SDR16C5: variants seen among roughly 807,000 people sequenced by gnomAD.
SDR16C5 encodes the protein short chain dehydrogenase/reductase family 16C member 5.
In SDR16C5, 20 loss-of-function variants were observed where a neutral mutation model predicts 27.7. That is an observed-to-expected ratio of 0.72 (90% confidence interval 0.51 to 1.05). The LOEUF (loss-of-function observed/expected upper bound fraction) is 1.05. Ranked by LOEUF, SDR16C5 falls within the 50% of genes least tolerant of loss-of-function variation. SDR16C5 has a pLI of 0.00. For missense variants in SDR16C5, 374 were observed against 366.3 expected (o/e 1.02, Z -0.17); for synonymous variants, 139 against 132.3 (o/e 1.05, Z -0.35).
intron 1 of SDR16C5, among the ~76,000 whole-genome samples, chr8:56,316,585 C>T (rs1186115172): frequency 6.6e-6 from 1 of 152,208 alleles, no homozygotes; most frequent in African/African-American, 2.4e-5. Flanking sequence ...ATGTTATTTG[C>T]ATGCCTGCTA....
rs1815080221 is a variant in SDR16C5, at chr8:56,312,729, C to T, written c.334-441G>A. ...AAAAAAATAAATAAAGAAATAAATA[C>T]AGGTTGGTTTATTTCCATTGCTGAG... On this transcript the variant is annotated intron_variant, in intron 2 of 6. Coordinates refer to ENST00000303749, the MANE Select transcript of SDR16C5 (RefSeq NM_138969.4). 2.0e-5 allele frequency among the ~76,000 whole-genome samples: 3 copies of T among 150,404 alleles called. No homozygotes were observed. In the South Asian group the frequency reaches 6.3e-4, roughly 32 times the overall value.
At chr8:56,306,414 A>T (rs1814882836) in intron 5 of SDR16C5, among the ~76,000 whole-genome samples, 1 of 152,156 alleles carries the variant, frequency 6.6e-6, no homozygotes, top group Non-Finnish European at 1.5e-5. Context: ...CAGGAAGGGG[A>T]TGTGGCCCTG....
chr8:56,303,809 C>T (rs1202715322), intron 6 of SDR16C5: 2 of 597,858 alleles, frequency 3.3e-6, no homozygotes, highest in Non-Finnish European at 6.0e-6. Flanking sequence ...ATACTATAAT[C>T]TGCCATCTAT....
At chr8:56,304,519 GT>G (rs1814833611) in intron 6 of SDR16C5, among the ~76,000 whole-genome samples, 2 of 151,932 alleles carry the variant, frequency 1.3e-5, no homozygotes, top group Admixed American at 6.6e-5. Context: ...GCAGGGAAGG[GT>G]GCACAAGAAT....
chr8:56,312,396 T>C, intron 2 of SDR16C5, 108 bp from the exon 3 acceptor site: 1 of 993,052 alleles, frequency 1.0e-6, no homozygotes, highest in Non-Finnish European at 1.5e-6. Context: ...TCATACTGAG[T>C]TTATGCACTC....
At chr8:56,312,887 C>T (rs533413048) in intron 2 of SDR16C5, among the ~76,000 whole-genome samples, 1 of 151,892 alleles carries the variant, frequency 6.6e-6, no homozygotes, top group Admixed American at 6.5e-5. Flanking sequence ...CACCATTCTC[C>T]CGCCTCAGCC....
chr8:56,318,932 C>T (rs1489421177), intron 1 of SDR16C5, among the ~76,000 whole-genome samples: 3 of 152,072 alleles, frequency 2.0e-5, no homozygotes, highest in Admixed American at 6.5e-5. Context: ...CACTGATTTT[C>T]CCTGCAACTT....
Position 56,301,553 on chromosome 8 carries a change from C to G in SDR16C5, c.857G>C (p.Gly286Ala). The G allele has an allele frequency of 6.2e-7, 1 of 1,614,034 alleles. No homozygotes were observed. The highest frequency in any genetic ancestry group is 8.5e-7 in the Non-Finnish European group (1 of 1,179,932). The change falls in exon 7 of 7, where the codon GGA becomes GCA. Residue 286 changes from glycine (G) to alanine (A), a missense_variant. By Grantham distance (60) the Gly-to-Ala change is moderately conservative (BLOSUM62 0). Coordinates refer to ENST00000303749, the MANE Select transcript of SDR16C5 (RefSeq NM_138969.4). ...GCCCAAATAGTCAGCTATAAGCAGT[C>G]CTGTCTTGAGGGGCAAAAAGCTAAA... ...FLKSFLPLKT[G>A]LLIADYLGIL...
chr8:56,307,321 C>A (rs1814911776), intron 4 of SDR16C5, among the ~76,000 whole-genome samples: 1 of 151,898 alleles, frequency 6.6e-6, no homozygotes, highest in Non-Finnish European at 1.5e-5. Flanking sequence ...GGCTTGGTAG[C>A]TTCAACCTCC....
At chr8:56,307,700 T>A (rs938285895) in intron 4 of SDR16C5, among the ~76,000 whole-genome samples, 1 of 152,180 alleles carries the variant, frequency 6.6e-6, no homozygotes, top group African/African-American at 2.4e-5. Context: ...TCTAGGGTCA[T>A]TGGAGTCATC....
intron 2 of SDR16C5, among the ~76,000 whole-genome samples, chr8:56,312,803 G>A (rs1362733415): frequency 2.7e-4 from 38 of 141,110 alleles, no homozygotes; most frequent in Admixed American, 1.9e-3. Flanking sequence ...TTGAGATGGA[G>A]TCTTGCTCTG....
chr8:56,316,237 G>A lies in SDR16C5; in HGVS notation c.111C>T (p.Asn37=), dbSNP rs200778304. ...IFALLPKPRK[N]VAGEIVLITG... ...TGATGAGGACTATTTCACCAGCAAC[G>A]TTCTTCCGTGGCTTTGGGAGTAAGG... The change falls in exon 2 of 7, where the codon AAC becomes AAT. Residue 37 remains asparagine (N), a synonymous_variant. Transcript: ENST00000303749. 7 of 1,613,966 alleles carry A rather than the reference G, an allele frequency of 4.3e-6. No homozygotes were observed. The Admixed American group carries it at 5.0e-5, about 12-fold the overall frequency.
chr8:56,319,157 A>G (rs1235300160), intron 1 of SDR16C5, among the ~76,000 whole-genome samples: 1 of 149,018 alleles, frequency 6.7e-6, no homozygotes, highest in Non-Finnish European at 1.5e-5. Context: ...TGCCCTGCAC[A>G]AAGTCCTCTG....
rs1056648139 is a variant in SDR16C5, at chr8:56,303,551, T to A, written c.837-1978A>T. Among the ~76,000 whole-genome samples, 10 of 152,298 alleles carry A rather than the reference T, an allele frequency of 6.6e-5. No homozygotes were observed. The East Asian group carries it at 1.2e-3, about 18-fold the overall frequency. ...TCTTTGTTGTAACCCTAAGCGCAGA[T>A]CCTTGGATGGTGGGTGATTCATGAC... On this transcript the variant is annotated intron_variant, in intron 6 of 6. Transcript: ENST00000303749.
intron 1 of SDR16C5, among the ~76,000 whole-genome samples, chr8:56,318,298 C>T (rs1025480013): frequency 6.6e-6 from 1 of 152,236 alleles, no homozygotes; most frequent in Non-Finnish European, 1.5e-5. Context: ...AGACCTCAAA[C>T]TCTCTGTGAT....
intron 4 of SDR16C5, among the ~76,000 whole-genome samples, chr8:56,307,892 G>A (rs1483899826): frequency 3.3e-5 from 5 of 152,220 alleles, no homozygotes; most frequent in African/African-American, 1.2e-4. Context: ...GCAGGTGCGA[G>A]AGTCCTGTAT....
At position 56,308,936 on chromosome 8, in the gene SDR16C5, C is replaced by T. The variant is rs2129258705; in HGVS notation, c.557G>A (p.Gly186Glu). 2.5e-6 allele frequency: 4 copies of T among 1,607,700 alleles called. No individual in the cohort carries two copies. The highest frequency in any genetic ancestry group is 1.1e-5 in the South Asian group (1 of 89,272). Residue 186 changes from glycine to glutamate, a missense_variant, in exon 4 of 7, where the codon GGG becomes GAG. Physicochemically the swap from Gly to Glu is moderately conservative, Grantham distance 98. Transcript: ENST00000303749. ...SSSAGLSGVN[G>E]LADYCASKFA... is the part of the protein sequence containing the mutation. ...TGCTATGTTTTTCTTACCTGCCAGC[C>T]CATTTACTCCACTTAATCCAGCTGA...
In SDR16C5 at chr8:56,310,134, GGGA is replaced by G. The variant is rs1201844207; in HGVS notation, c.466-1110_466-1108del. 1.5e-3 allele frequency among the ~76,000 whole-genome samples: 68 copies of G among 45,772 alleles called. 1 individual carries two copies. Among genetic ancestry groups the G allele is most frequent in the Non-Finnish European group, 1.6e-3 (39 of 25,090 alleles). 30.0% of individuals were successfully genotyped at this position (45,772 alleles called of 152,430 possible). A position where few individuals can be genotyped will look rare whatever the true frequency, so the allele number is the denominator to read the frequency against. On this transcript the variant is annotated intron_variant, in intron 3 of 6. Coordinates refer to ENST00000303749, the MANE Select transcript of SDR16C5 (RefSeq NM_138969.4). ...GGAGGAGAAGGAAGGAGGAGGAGGA[GGGA>G]GGAGGAGGAGGAGGAAGGAGGAGGA...
chr8:56,313,016 T>C (rs1050883938), intron 2 of SDR16C5, among the ~76,000 whole-genome samples: 1 of 152,128 alleles, frequency 6.6e-6, no homozygotes, highest in African/African-American at 2.4e-5. Flanking sequence ...GACCTCATGA[T>C]CCACCCGTCT....
Sources: allele counts gnomAD v4.1 joint callset (sites outside exome capture counted in the v4.1 genomes callset), GRCh38; gene constraint gnomAD v4.1.1; transcripts MANE v1.5; gene names NCBI Gene and HGNC (gene_info 2026-07-23, HGNC 2026-07-21).